The following CNOT11 variants were observed in gnomAD, a reference collection of about 807,000 sequenced individuals.
The protein encoded by CNOT11 is UPF0760 protein C2orf29.
A neutral mutation model predicts 44.6 loss-of-function variants in CNOT11; 18 were observed. The observed-to-expected ratio is 0.40, with a 90% CI of 0.28 to 0.60. The LOEUF is 0.60. Ranked by LOEUF, CNOT11 falls within the 20% of genes least tolerant of loss-of-function variation. The probability of loss-of-function intolerance (pLI) is 0.38; values close to 1 mark genes in which losing one functional copy is unlikely to be tolerated. For missense variants in CNOT11, 513 were observed against 677.0 expected, an observed-to-expected ratio of 0.76 and a Z score of 2.69; for synonymous variants, 291 against 270.9, an observed-to-expected ratio of 1.07 and a Z score of -0.73.
rs3044629 is a variant in CNOT11, at chr2:101,261,844, C to CTTTTT, written c.680-679_680-675dup. ...TTTTTTCCTGTTGGTTTCTTTCTTT[C>CTTTTT]TTTTTTTTTTTTTTTTTTTTGAGAT... On this transcript the variant is annotated intron_variant, in intron 2 of 6. Transcript: ENST00000289382. 2.9e-3 allele frequency among the ~76,000 whole-genome samples: 323 copies of CTTTTT among 111,840 alleles called. 1 individual carries two copies. The highest frequency in any genetic ancestry group is 5.9e-3 in the Middle Eastern group (1 of 170). 73.4% of individuals were successfully genotyped at this position (111,840 alleles called of 152,430 possible). A position where few individuals can be genotyped will look rare whatever the true frequency, so the allele number is the denominator to read the frequency against.
rs1682073874 is a variant in CNOT11 at position 101,269,989 on chromosome 2, A to AATG, written c.*576_*577insATG. ...CCTTGTCATGGAGGCTTAATAGACA[A>AATG]CAGAATAAATGCATTTCTTGGGCCT... On this transcript the variant is annotated 3_prime_UTR_variant, in exon 7 of 7. Transcript: ENST00000289382. The surrounding 1 kb of genome is among the most constrained non-coding windows in gnomAD (Gnocchi z 4.8). 5 of 152,558 alleles carry AATG rather than the reference A, an allele frequency of 3.3e-5. 1 individual carries two copies. In the South Asian group the frequency reaches 1.0e-3, roughly 32 times the overall value. 9.5% of individuals were successfully genotyped at this position (152,558 alleles called of 1,614,324 possible).
rs1682077775 is a variant in CNOT11, at chr2:101,270,202, G to A, written c.*789G>A. On this transcript the variant is annotated 3_prime_UTR_variant, in exon 7 of 7. Transcript: ENST00000289382. ...GTGGGGTCTGCACCCTCCTGTCTGG[G>A]TGGTGGATGTGGGTTTGAGAAGTAG... 6.6e-6 allele frequency: 1 copy of A among 152,602 alleles called. No individual in the cohort carries two copies. The highest frequency in any genetic ancestry group is 1.5e-5 in the Non-Finnish European group (1 of 68,052). The allele number at this position is 152,602 out of a possible 1,614,324, so 9.5% of individuals were successfully genotyped here. A position where few individuals can be genotyped will look rare whatever the true frequency, so the allele number is the denominator to read the frequency against.
intron 5 of CNOT11, among the ~76,000 whole-genome samples, chr2:101,267,681 G>A (rs1361210119): frequency 6.6e-6 from 1 of 152,112 alleles, no homozygotes; most frequent in African/African-American, 2.4e-5. Flanking sequence ...TACAGTGTTT[G>A]CATTTTAGAG....
At chr2:101,266,611 A>G (rs879323993) in intron 4 of CNOT11, 66 bp from the exon 5 acceptor site, 68 of 1,233,240 alleles carry the variant, frequency 5.5e-5, no homozygotes, top group Middle Eastern at 3.8e-4. Flanking sequence ...TATACATGGG[A>G]AAAAAAATTG....
chr2:101,261,054 T>C (rs1681851733), intron 2 of CNOT11, among the ~76,000 whole-genome samples: 1 of 152,196 alleles, frequency 6.6e-6, no homozygotes, highest in Non-Finnish European at 1.5e-5. Flanking sequence ...TAATCAGGAA[T>C]TTAGCCCCGT....
At chr2:101,264,693 T>C (rs754671116) in intron 3 of CNOT11, 152 bp from the exon 4 acceptor site, 16 of 630,816 alleles carry the variant, frequency 2.5e-5, no homozygotes, top group Non-Finnish European at 4.2e-5. Flanking sequence ...TGACTTCCTG[T>C]GTCATTCCTG....
intron 4 of CNOT11, 59 bp from the exon 5 acceptor site, chr2:101,266,618 A>T: frequency 7.4e-7 from 1 of 1,342,528 alleles, no homozygotes; most frequent in Admixed American, 1.8e-5. Context: ...GGGAAAAAAA[A>T]TTGACTCAAC....
chr2:101,256,451 G>A (rs750569390), intron 1 of CNOT11, among the ~76,000 whole-genome samples: 1 of 152,148 alleles, frequency 6.6e-6, no homozygotes, highest in African/African-American at 2.4e-5. Context: ...CAAGAGAGGC[G>A]TGGGGACTAC....
chr2:101,253,071 G>A lies in CNOT11; in HGVS notation c.107G>A (p.Gly36Asp), dbSNP rs760466968. Residue 36 changes from glycine to aspartate, a missense_variant, in exon 1 of 7, where the codon GGC (glycine) becomes GAC (aspartate). Coordinates refer to ENST00000289382, the MANE Select transcript of CNOT11 (RefSeq NM_017546.5). The surrounding 1 kb of genome is among the most constrained non-coding windows in gnomAD (Gnocchi z 4.3). ...AGSASRSGFG[G>D]SGGGRGGASG... The stretch of plus-strand genomic sequence containing the variant: ...TCGGCGTCCAGGAGCGGCTTCGGGG[G>A]CTCCGGCGGCGGCAGAGGCGGAGCA... 3 of 1,516,006 alleles carry A rather than the reference G, an allele frequency of 2.0e-6. No individual in the cohort carries two copies. The South Asian group carries it at 3.7e-5, about 19-fold the overall frequency. 93.9% of individuals were successfully genotyped at this position (1,516,006 alleles called of 1,614,324 possible).
intron 3 of CNOT11, 56 bp downstream of exon 3, chr2:101,262,747 C>CT (rs1437810358): frequency 1.4e-6 from 2 of 1,449,870 alleles, no homozygotes; most frequent in Non-Finnish European, 1.9e-6. Context: ...GCAGGATCCT[C>CT]TAGGACTTTT....
At position 101,264,918 on chromosome 2, in the gene CNOT11, C is replaced by T. The variant is rs1558769074; in HGVS notation, c.906C>T (p.Asn302=). The T allele has an allele frequency of 6.2e-7, 1 of 1,614,126 alleles. No homozygotes were observed. The highest frequency in any genetic ancestry group is 1.3e-5 in the African/African-American group (1 of 75,028). ...GTGAGGATGAACTTGCTTGGCTAAA[C>T]CCCACGGAGCCTGACCACGCGATCC... ...HICEDELAWL[N]PTEPDHAIQW... is the part of the protein sequence containing the mutation. Residue 302 remains asparagine, a synonymous_variant, in exon 4 of 7, where the codon AAC becomes AAT. Coordinates refer to ENST00000289382, the MANE Select transcript of CNOT11 (RefSeq NM_017546.5).
Position 101,253,604 on chromosome 2 carries a change from G to C in CNOT11, c.514+126G>C. Reference sequence around the variant, plus strand: ...TGTGAAATGATCATCCTCTTTTTCCGCCTCTCTCTGCGTTCCCACGCCCCT... The same window carrying C: ...TGTGAAATGATCATCCTCTTTTTCCCCCTCTCTCTGCGTTCCCACGCCCCT... On this transcript the variant is annotated intron_variant, in intron 1 of 6. Transcript: ENST00000289382. The surrounding 1 kb of genome is among the most constrained non-coding windows in gnomAD (Gnocchi z 4.3). 1 of 937,982 alleles carries C rather than the reference G, an allele frequency of 1.1e-6. No homozygotes were observed. Among genetic ancestry groups the C allele is most frequent in the Non-Finnish European group, 1.5e-6 (1 of 666,072 alleles). 58.1% of individuals were successfully genotyped at this position (937,982 alleles called of 1,614,324 possible). A position where few individuals can be genotyped will look rare whatever the true frequency, so the allele number is the denominator to read the frequency against.
intron 4 of CNOT11, 44 bp downstream of exon 4, chr2:101,265,091 T>A (rs1365924750): frequency 7.5e-7 from 1 of 1,336,242 alleles, no homozygotes; most frequent in East Asian, 2.7e-5. Flanking sequence ...TTTTTTAAAT[T>A]TATTTTTAAT....
At chr2:101,256,482 G>C (rs1681737606) in intron 1 of CNOT11, among the ~76,000 whole-genome samples, 1 of 152,124 alleles carries the variant, frequency 6.6e-6, no homozygotes, top group Admixed American at 6.5e-5. Context: ...ATGCAGCCTG[G>C]TGACATTTCT....
chr2:101,264,596 C>T (rs1480868224), intron 3 of CNOT11, among the ~76,000 whole-genome samples: 1 of 152,188 alleles, frequency 6.6e-6, no homozygotes, highest in Non-Finnish European at 1.5e-5. Flanking sequence ...AGGCTTTCCT[C>T]ACTTCTGCAA....
Position 101,269,958 on chromosome 2 carries a change from C to G in CNOT11, c.*545C>G, listed in dbSNP as rs1682073405. Reference sequence around the variant, plus strand: ...TGATGAACCAAGGATTTACTCATAACTTTCTCCTTGTCATGGAGGCTTAAT... The same window carrying G: ...TGATGAACCAAGGATTTACTCATAAGTTTCTCCTTGTCATGGAGGCTTAAT... On this transcript the variant is annotated 3_prime_UTR_variant, in exon 7 of 7. Coordinates refer to ENST00000289382, the MANE Select transcript of CNOT11 (RefSeq NM_017546.5). The surrounding 1 kb of genome is among the most constrained non-coding windows in gnomAD (Gnocchi z 4.8). 1 of 152,310 alleles carries G rather than the reference C, an allele frequency of 6.6e-6. No homozygotes were observed. Among genetic ancestry groups the G allele is most frequent in the Admixed American group, 6.5e-5 (1 of 15,284 alleles). 9.4% of individuals were successfully genotyped at this position (152,310 alleles called of 1,614,324 possible).
chr2:101,265,167 C>T, intron 4 of CNOT11, 120 bp downstream of exon 4: 2 of 577,802 alleles, frequency 3.5e-6, no homozygotes. Flanking sequence ...GTGGCACGAT[C>T]TCGGCTCACT....
rs1676023665 is a variant in CNOT11 at position 101,267,020 on chromosome 2, C to T, written c.1238+141C>T. On this transcript the variant is annotated intron_variant, in intron 5 of 6. Coordinates refer to ENST00000289382, the MANE Select transcript of CNOT11 (RefSeq NM_017546.5). ...GAAATAATGTAAGCCTTAGCATTCA[C>T]TACATGTAAATTTAGCATGCGTTAA... 4.8e-6 allele frequency: 3 copies of T among 621,248 alleles called. No individual in the cohort carries two copies. The Admixed American group carries it at 8.7e-5, about 18-fold the overall frequency. The allele number at this position is 621,248 out of a possible 1,614,324, so 38.5% of individuals were successfully genotyped here. A position where few individuals can be genotyped will look rare whatever the true frequency, so the allele number is the denominator to read the frequency against.
At chr2:101,262,753 C>G (rs1322330517) in intron 3 of CNOT11, 62 bp downstream of exon 3, 26 of 1,403,362 alleles carry the variant, frequency 1.9e-5, no homozygotes, top group Non-Finnish European at 2.6e-5. Context: ...TCCTCTAGGA[C>G]TTTTCAGTTT....
Sources: allele counts gnomAD v4.1 joint callset (sites outside exome capture counted in the v4.1 genomes callset), GRCh38; gene constraint gnomAD v4.1.1; non-coding constraint Gnocchi (gnomAD v3.1); transcripts MANE v1.5; gene names NCBI Gene and HGNC (gene_info 2026-07-23, HGNC 2026-07-21).